The following KIF1B variants were observed in gnomAD, a reference collection of about 807,000 sequenced individuals.
KIF1B encodes kinesin family member 1B.
In KIF1B, 76 loss-of-function variants were observed where a neutral mutation model predicts 241.9. The ratio of observed to expected loss-of-function variants is 0.31; its 90% confidence interval spans 0.26 to 0.38. KIF1B has a LOEUF of 0.38. Among genes scored for constraint, KIF1B ranks in the 10% least tolerant of loss-of-function variants. The pLI is 1.00. For missense variants in KIF1B, 1,622 were observed against 2,271.4 expected, an observed-to-expected ratio of 0.71 and a Z score of 5.81; for synonymous variants, 750 against 796.7, an observed-to-expected ratio of 0.94 and a Z score of 0.99.
chr1:10,374,013 G>A lies in KIF1B; in HGVS notation c.4947-303G>A, dbSNP rs929404728. Reference sequence around the variant, plus strand: ...TGGGACTAAAAAGAAACATATAAAGGAGTAGAGTTCCTATTCCAGATAATG... The same window carrying A: ...TGGGACTAAAAAGAAACATATAAAGAAGTAGAGTTCCTATTCCAGATAATG... On this transcript the variant is annotated intron_variant, in intron 45 of 48. Coordinates refer to ENST00000676179, the MANE Select transcript of KIF1B (RefSeq NM_001365951.3). This position sits in a 1 kb window ranked among gnomAD's most constrained non-coding sequence, Gnocchi z 4.3. Among the ~76,000 whole-genome samples, 2 of 152,222 alleles carry A rather than the reference G, an allele frequency of 1.3e-5. No individual in the cohort carries two copies. The highest frequency in any genetic ancestry group is 6.5e-5 in the Admixed American group (1 of 15,278).
chr1:10,301,084 C>T lies in KIF1B; in HGVS notation c.2115+3838C>T, dbSNP rs183412890. 1.5e-4 allele frequency among the ~76,000 whole-genome samples: 23 copies of T among 152,186 alleles called. No homozygotes were observed. The East Asian group carries it at 2.9e-3, about 19-fold the overall frequency. On this transcript the variant is annotated intron_variant, in intron 22 of 48. Coordinates refer to ENST00000676179, the MANE Select transcript of KIF1B (RefSeq NM_001365951.3). ...GTGTGATGATGTGTGCCTGTAGTCC[C>T]GGCTAAGGCAGGAAGATCACTTGAG...
intron 22 of KIF1B, chr1:10,304,279 C>T: frequency 6.2e-7 from 1 of 1,614,150 alleles, no homozygotes; most frequent in Admixed American, 1.7e-5. Flanking sequence ...AGATCACATC[C>T]AAGTTAGCAA....
At chr1:10,226,805 A>G (rs1329671582) in intron 1 of KIF1B, among the ~76,000 whole-genome samples, 3 of 152,084 alleles carry the variant, frequency 2.0e-5, no homozygotes, top group South Asian at 2.1e-4. Flanking sequence ...CGTCCCTACT[A>G]AAAATACAAA....
chr1:10,271,185 TA>T (rs1410868254), intron 7 of KIF1B, among the ~76,000 whole-genome samples: 17 of 151,822 alleles, frequency 1.1e-4, no homozygotes, highest in Non-Finnish European at 1.8e-4. Context: ...TTTTTTTAAT[TA>T]AAAAAAATTT....
chr1:10,257,312 A>G (rs1050352877), intron 3 of KIF1B, among the ~76,000 whole-genome samples: 2 of 146,672 alleles, frequency 1.4e-5, no homozygotes, highest in Non-Finnish European at 3.0e-5. Flanking sequence ...AAAATTCCAA[A>G]AAAAAAAAAA....
chr1:10,348,571 C>T, intron 36 of KIF1B, 78 bp from the exon 37 acceptor site: 1 of 1,049,932 alleles, frequency 9.5e-7, no homozygotes, highest in East Asian at 2.4e-5. Flanking sequence ...CATGCCATGC[C>T]ATACAGGCCA....
rs753355325 is a variant in KIF1B at position 10,303,889 on chromosome 1, G to A, written c.2115+6643G>A. On this transcript the variant is annotated intron_variant, in intron 22 of 48. Transcript: ENST00000676179. The surrounding 1 kb of genome is among the most constrained non-coding windows in gnomAD (Gnocchi z 5.2). ...AGACAATGGAGAACTTGCAAAAGAA[G>A]AACGTGTTTCCCAGCTGATGAATGG... The A allele has an allele frequency of 6.2e-7, 1 of 1,614,234 alleles. No homozygotes were observed. Among genetic ancestry groups the A allele is most frequent in the Non-Finnish European group, 8.5e-7 (1 of 1,180,040 alleles).
chr1:10,285,933 A>T (rs1221527453), intron 15 of KIF1B, among the ~76,000 whole-genome samples: 1 of 152,210 alleles, frequency 6.6e-6, no homozygotes, highest in African/African-American at 2.4e-5. Flanking sequence ...TTTTGACTTT[A>T]AAAAAGGTCA....
At position 10,361,702 on chromosome 1, in the gene KIF1B, G is replaced by A. The variant is rs773507654; in HGVS notation, c.4181G>A (p.Cys1394Tyr). ...TLSAYLELDHCIQPAVITKDV... is the reference protein window; with the variant it reads ...TLSAYLELDHYIQPAVITKDV... ...CCTGTCTGCTTTCAGCTGGATCATT[G>A]CATCCAGCCGGCTGTCATCACCAAG... is the stretch of plus-strand genomic sequence containing the variant. Residue 1394 changes from cysteine to tyrosine, a missense_variant, in exon 40 of 49, where the codon TGC becomes TAC. By Grantham distance (194) the Cys-to-Tyr change is radical (BLOSUM62 -2). Coordinates refer to ENST00000676179, the MANE Select transcript of KIF1B (RefSeq NM_001365951.3). 1.4e-5 allele frequency: 23 copies of A among 1,613,708 alleles called. No homozygotes were observed.
At chr1:10,334,369 A>G in intron 27 of KIF1B, 151 bp from the exon 28 acceptor site, 1 of 732,974 alleles carries the variant, frequency 1.4e-6, no homozygotes, top group Non-Finnish European at 2.5e-6. Flanking sequence ...AGGCAGCTGG[A>G]GGCAAATCTG....
intron 35 of KIF1B, among the ~76,000 whole-genome samples, chr1:10,346,753 A>G (rs1652605002): frequency 6.6e-6 from 1 of 152,278 alleles, no homozygotes; most frequent in Admixed American, 6.5e-5. Flanking sequence ...AAAGACTTAC[A>G]TTACTGATGT....
In KIF1B at chr1:10,365,579, C is replaced by T. The variant is rs751084365; in HGVS notation, c.4683C>T (p.Ser1561=). The T allele has an allele frequency of 2.2e-5, 36 of 1,613,984 alleles. No individual in the cohort carries two copies. Among genetic ancestry groups the T allele is most frequent in the African/African-American group, 4.0e-5 (3 of 74,892 alleles). The change falls in exon 43 of 49, where the codon AGC becomes AGT. Residue 1561 remains serine, a synonymous_variant. Coordinates refer to ENST00000676179, the MANE Select transcript of KIF1B (RefSeq NM_001365951.3). This position sits in a 1 kb window ranked among gnomAD's most constrained non-coding sequence, Gnocchi z 4.0. The part of the protein sequence containing the change: ...TTTFESAITP[S]ESSGYDSGDI... ...CCTTTGAAAGCGCCATCACACCTAG[C>T]GAGAGCAGTGGCTATGATTCAGGAG...
rs753982918 is a variant in KIF1B, at chr1:10,323,991, C to T, written c.2466C>T (p.Arg822=). ...CTCATGAGGACAGGCCTTTCCCTCG[C>T]ACAGTGGTAGCAGTAGAAGTCCAGG... is the stretch of plus-strand genomic sequence containing the variant. ...EKTHEDRPFP[R]TVVAVEVQDL... The change falls in exon 25 of 49, where the codon CGC becomes CGT. Residue 822 remains arginine (R), a synonymous_variant. Coordinates refer to ENST00000676179, the MANE Select transcript of KIF1B (RefSeq NM_001365951.3). 1 of 1,614,170 alleles carries T rather than the reference C, an allele frequency of 6.2e-7. No individual in the cohort carries two copies. Among genetic ancestry groups the T allele is most frequent in the South Asian group, 1.1e-5 (1 of 91,066 alleles).
In KIF1B at chr1:10,292,137, T is replaced by C. The variant is rs769267621; in HGVS notation, c.1590+15T>C. The C allele has an allele frequency of 3.7e-5, 59 of 1,604,766 alleles. No individual in the cohort carries two copies. Among genetic ancestry groups the C allele is most frequent in the Non-Finnish European group, 4.8e-5 (56 of 1,171,638 alleles). On this transcript the variant is annotated intron_variant, in intron 17 of 48. Coordinates refer to ENST00000676179, the MANE Select transcript of KIF1B (RefSeq NM_001365951.3). ...CACCTAAAAAGGTAGGAAACAATGCTGTGAAACCTAATCAGACAGAGACAC... is the reference window on the plus strand; with the variant it reads ...CACCTAAAAAGGTAGGAAACAATGCCGTGAAACCTAATCAGACAGAGACAC...
At chr1:10,271,427 C>A in intron 7 of KIF1B, 75 bp from the exon 8 acceptor site, 1 of 1,045,384 alleles carries the variant, frequency 9.6e-7, no homozygotes, top group Non-Finnish European at 1.5e-6. Flanking sequence ...TTTTAAAAAG[C>A]ATTCTGCCTC....
intron 44 of KIF1B, among the ~76,000 whole-genome samples, chr1:10,370,590 TAATAAG>T (rs1393512324): frequency 1.6e-4 from 22 of 139,918 alleles, no homozygotes; most frequent in Non-Finnish European, 2.3e-4. Context: ...ATAATAATAA[TAATAAG>T]AAGAAGAAGA....
intron 4 of KIF1B, among the ~76,000 whole-genome samples, chr1:10,258,923 T>C (rs1647952160): frequency 6.6e-6 from 1 of 152,214 alleles, no homozygotes; most frequent in Non-Finnish European, 1.5e-5. Context: ...TCCAATGCCA[T>C]ATTATTTTGT....
intron 5 of KIF1B, among the ~76,000 whole-genome samples, chr1:10,266,379 G>T (rs966853260): frequency 2.6e-5 from 4 of 152,196 alleles, no homozygotes; most frequent in Non-Finnish European, 4.4e-5. Context: ...AATTGCCCCA[G>T]GTTAAGAAAT....
intron 1 of KIF1B, among the ~76,000 whole-genome samples, chr1:10,222,612 C>G (rs1646859722): frequency 6.6e-6 from 1 of 152,148 alleles, no homozygotes; most frequent in Non-Finnish European, 1.5e-5. Context: ...CCTTAGATTC[C>G]TTATAATCCG....
Sources: gnomAD v4.1 joint callset for allele counts (sites outside exome capture counted in the v4.1 genomes callset) on GRCh38, gnomAD v4.1.1 for gene constraint, Gnocchi (gnomAD v3.1) non-coding constraint, MANE v1.5 for transcripts, NCBI Gene and HGNC (gene_info 2026-07-23, HGNC 2026-07-21) for gene names.